The following PREX2 variants were observed in gnomAD, a reference collection of about 807,000 sequenced individuals.
PREX2 encodes phosphatidylinositol 3,4,5-trisphosphate-dependent Rac exchanger 2 protein.
PREX2 carries 107 observed loss-of-function variants against 203.2 expected under a neutral mutation model. The ratio of observed to expected loss-of-function variants is 0.53; its 90% confidence interval spans 0.45 to 0.62. The LOEUF (loss-of-function observed/expected upper bound fraction) is 0.62, where lower values mean the gene tolerates loss of function less well. Ranked by LOEUF, PREX2 falls within the 20% of genes least tolerant of loss-of-function variation. The probability of loss-of-function intolerance (pLI) is 0.00; values close to 1 mark genes in which losing one functional copy is unlikely to be tolerated. For synonymous variants in PREX2, 672 were observed against 663.6 expected (o/e 1.01, Z -0.19); for missense variants, 1,777 against 1,955.9 (o/e 0.91, Z 1.72).
chr8:68,169,378 A>G (rs942104748), intron 35 of PREX2, among the ~76,000 whole-genome samples: 1 of 151,940 alleles, frequency 6.6e-6, no homozygotes, highest in African/African-American at 2.4e-5. Flanking sequence ...GAATTTCACT[A>G]CAATTATGGA....
At chr8:68,131,834 T>C (rs189328568) in intron 31 of PREX2, among the ~76,000 whole-genome samples, 1 of 152,306 alleles carries the variant, frequency 6.6e-6, no homozygotes, top group Admixed American at 6.5e-5. Flanking sequence ...TGCTTTTCAC[T>C]CAATATCCAT....
Position 68,080,809 on chromosome 8 carries a change from A to G in PREX2, c.1849A>G (p.Lys617Glu). 1 of 1,548,916 alleles carries G rather than the reference A, an allele frequency of 6.5e-7. No homozygotes were observed. The highest frequency in any genetic ancestry group is 8.9e-7 in the Non-Finnish European group (1 of 1,126,202). The change falls in exon 17 of 40, where the codon AAG (lysine) becomes GAG (glutamate). Residue 617 changes from lysine to glutamate, a missense_variant. Transcript: ENST00000288368. ...AGACAAAAATAAAGTTCCAATAATA[A>G]AGTTGGTAGAAAAGGGATCTAATGC... Reference protein sequence around the residue: ...LEDKNKVPIIKLVEKGSNAEM... With the variant: ...LEDKNKVPIIELVEKGSNAEM...
chr8:68,189,465 A>G (rs182684902), intron 35 of PREX2, among the ~76,000 whole-genome samples: 1 of 152,090 alleles, frequency 6.6e-6, no homozygotes, highest in African/African-American at 2.4e-5. Context: ...TGATGACAGC[A>G]CTCCTCTCAG....
At chr8:68,021,074 C>T (rs1430034205) in intron 3 of PREX2, among the ~76,000 whole-genome samples, 1 of 152,114 alleles carries the variant, frequency 6.6e-6, no homozygotes, top group Non-Finnish European at 1.5e-5. Flanking sequence ...TGATAAGGCA[C>T]TTTGAGAAAA....
chr8:67,970,356 G>A (rs1048873933), intron 1 of PREX2, among the ~76,000 whole-genome samples: 4 of 152,118 alleles, frequency 2.6e-5, no homozygotes, highest in African/African-American at 4.8e-5. Flanking sequence ...AACCTAAAAT[G>A]AGAACTATTC....
Position 68,231,642 on chromosome 8 carries a change from T to A in PREX2, c.*264T>A. 1 of 333,214 alleles carries A rather than the reference T, an allele frequency of 3.0e-6. No individual in the cohort carries two copies. Among genetic ancestry groups the A allele is most frequent in the Non-Finnish European group, 5.4e-6 (1 of 186,054 alleles). The allele number at this position is 333,214 out of a possible 1,614,324, so 20.6% of individuals were successfully genotyped here. A position where few individuals can be genotyped will look rare whatever the true frequency, so the allele number is the denominator to read the frequency against. On this transcript the variant is annotated 3_prime_UTR_variant, in exon 40 of 40. Transcript: ENST00000288368. ...TGACATTAAGTATTCACTTTTAGAG[T>A]AAAATCCATCCCTGGGACATAAAGA...
At chr8:68,001,664 A>C (rs908445595) in intron 1 of PREX2, among the ~76,000 whole-genome samples, 8 of 152,226 alleles carry the variant, frequency 5.3e-5, no homozygotes, top group Non-Finnish European at 1.2e-4. Flanking sequence ...CTGCATCACT[A>C]TTCACAATAG....
chr8:68,160,788 A>G (rs980442972), intron 35 of PREX2, among the ~76,000 whole-genome samples: 6 of 152,194 alleles, frequency 3.9e-5, no homozygotes, highest in African/African-American at 1.4e-4. Flanking sequence ...GAGAAGACTT[A>G]GTTTTTCAAA....
intron 33 of PREX2, among the ~76,000 whole-genome samples, chr8:68,142,623 C>T (rs1811250733): frequency 6.6e-6 from 1 of 152,128 alleles, no homozygotes; most frequent in South Asian, 2.1e-4. Context: ...TATAAGTTTT[C>T]AGCTCTTTTG....
chr8:68,188,277 T>TGA (rs1251543749), intron 35 of PREX2, among the ~76,000 whole-genome samples: 3 of 151,686 alleles, frequency 2.0e-5, no homozygotes, highest in South Asian at 4.2e-4. Flanking sequence ...AAGAGGATGA[T>TGA]GAGAGAGAGA....
chr8:68,079,871 C>CT (rs1809460477), intron 15 of PREX2, among the ~76,000 whole-genome samples: 1 of 152,038 alleles, frequency 6.6e-6, no homozygotes, highest in African/African-American at 2.4e-5. Flanking sequence ...GAGAATATTG[C>CT]TTTTAAACAG....
At chr8:68,016,840 C>T (rs554877467) in intron 1 of PREX2, among the ~76,000 whole-genome samples, 2 of 152,168 alleles carry the variant, frequency 1.3e-5, no homozygotes, top group Non-Finnish European at 2.9e-5. Context: ...TGACCTCAAA[C>T]TCCTGGCCTT....
In PREX2 at chr8:68,013,224, A is replaced by G. The variant is rs115949420; in HGVS notation, c.142-4622A>G. On this transcript the variant is annotated intron_variant, in intron 1 of 39. Coordinates refer to ENST00000288368, the MANE Select transcript of PREX2 (RefSeq NM_024870.4). ...GACGGACAGTAAACAAATAGATAAA[A>G]TGATTCTGTCCTTGTGCCTTTTGTC... is the stretch of plus-strand genomic sequence containing the variant. 8.3e-3 allele frequency among the ~76,000 whole-genome samples: 1,257 copies of G among 152,266 alleles called. 21 individuals are homozygous for G. The highest frequency in any genetic ancestry group is 0.028 in the African/African-American group (1,168 of 41,546).
At chr8:68,138,837 T>G (rs933901244) in intron 33 of PREX2, among the ~76,000 whole-genome samples, 9 of 152,178 alleles carry the variant, frequency 5.9e-5, no homozygotes, top group African/African-American at 2.2e-4. Flanking sequence ...TGTTATTATT[T>G]TTATATGTCT....
intron 20 of PREX2, 52 bp from the exon 21 acceptor site, chr8:68,093,553 T>C: frequency 2.5e-6 from 2 of 784,868 alleles, no homozygotes; most frequent in Non-Finnish European, 4.2e-6. Flanking sequence ...AATGGGCATG[T>C]ATTTTAGGAA....
Position 68,231,367 on chromosome 8 carries a change from G to GGA in PREX2, c.4813_4814dup (p.Glu1606LysfsTer31). 6.3e-7 allele frequency: 1 copy of GGA among 1,599,208 alleles called. No homozygotes were observed. The highest frequency in any genetic ancestry group is 8.5e-7 in the Non-Finnish European group (1 of 1,173,698). ...GCTGTGCGAGCCACCTCCCCCAGCT[G>GGA]GAGAAGAATGAAAAGAACTCCCAAG... On this transcript the variant is annotated frameshift_variant, in exon 40 of 40. Coordinates refer to ENST00000288368, the MANE Select transcript of PREX2 (RefSeq NM_024870.4). LOFTEE classifies it high-confidence loss of function.
rs1243871446 is a variant in PREX2, at chr8:67,988,954, A to G, written c.142-28892A>G. Among the ~76,000 whole-genome samples the G allele has an allele frequency of 2.0e-5, 3 of 152,182 alleles. No homozygotes were observed. In the East Asian group the frequency reaches 5.8e-4, roughly 29 times the overall value. ...CTATATTTTCATCAGAGTTTTCTAA[A>G]TGTTTTTAAAAGCAAACCAAGCACG... On this transcript the variant is annotated intron_variant, in intron 1 of 39. Transcript: ENST00000288368.
chr8:68,070,042 A>G (rs1809152288), intron 13 of PREX2, among the ~76,000 whole-genome samples, 158 bp downstream of exon 13: 3 of 151,732 alleles, frequency 2.0e-5, no homozygotes, highest in African/African-American at 7.2e-5. Flanking sequence ...AAATATCCCT[A>G]CATTTTCTTA....
At chr8:68,053,795 A>G (rs762808687) in intron 9 of PREX2, among the ~76,000 whole-genome samples, 5 of 152,224 alleles carry the variant, frequency 3.3e-5, no homozygotes, top group Admixed American at 6.5e-5. Flanking sequence ...TGAATATAGT[A>G]TAATGTAACC....
Sources: gnomAD v4.1 joint callset for allele counts (sites outside exome capture counted in the v4.1 genomes callset) on GRCh38, gnomAD v4.1.1 for gene constraint, MANE v1.5 for transcripts, NCBI Gene and HGNC (gene_info 2026-07-23, HGNC 2026-07-21) for gene names.